DNAJC17: variants seen among roughly 807,000 people sequenced by gnomAD.
DNAJC17 encodes the protein dnaJ homolog subfamily C member 17.
A neutral mutation model predicts 48.1 loss-of-function variants in DNAJC17; 35 were observed. The ratio of observed to expected loss-of-function variants is 0.73; its 90% CI spans 0.56 to 0.96. The LOEUF (loss-of-function observed/expected upper bound fraction) is 0.96. Among genes scored for constraint, DNAJC17 ranks in the 50% least tolerant of loss-of-function variants. DNAJC17 has a pLI of 0.00. For synonymous variants in DNAJC17, 117 were observed against 142.7 expected, an observed-to-expected ratio of 0.82 and a Z score of 1.28; for missense variants, 355 against 377.1, an observed-to-expected ratio of 0.94 and a Z score of 0.48.
At chr15:40,800,738 G>A (rs1890055679) in intron 1 of DNAJC17, among the ~76,000 whole-genome samples, 1 of 150,724 alleles carries the variant, frequency 6.6e-6, no homozygotes, top group South Asian at 2.1e-4. Flanking sequence ...TGTAATCCCA[G>A]CACTTTGGTC....
intron 1 of DNAJC17, among the ~76,000 whole-genome samples, chr15:40,792,147 T>C (rs1384157508): frequency 6.6e-6 from 1 of 152,248 alleles, no homozygotes; most frequent in Non-Finnish European, 1.5e-5. Flanking sequence ...CGGTTGCTCC[T>C]TCAAGCCCTT....
At chr15:40,806,001 G>A (rs945650228) in intron 1 of DNAJC17, among the ~76,000 whole-genome samples, 8 of 152,172 alleles carry the variant, frequency 5.3e-5, no homozygotes, top group Admixed American at 4.6e-4. Flanking sequence ...GAGAGAGGTG[G>A]AGCAGATGCT....
chr15:40,779,304 A>ATG lies in DNAJC17; in HGVS notation c.212_213dup (p.Tyr72HisfsTer26), dbSNP rs1223165035. 2 of 1,614,000 alleles carry ATG rather than the reference A, an allele frequency of 1.2e-6. No individual in the cohort carries two copies. Among genetic ancestry groups the ATG allele is most frequent in the Non-Finnish European group, 1.7e-6 (2 of 1,180,020 alleles). ...TTCTTGGCTTTCCTGACCTTGTCAT[A>ATG]TGCAGCCTGGCAGGAGAAAGGGGCA... On this transcript the variant is annotated frameshift_variant, in exon 4 of 11. Coordinates refer to ENST00000220496, the MANE Select transcript of DNAJC17 (RefSeq NM_018163.3). LOFTEE classifies it high-confidence loss of function.
intron 10 of DNAJC17, chr15:40,771,710 C>T (rs1056838258): frequency 1.8e-5 from 3 of 170,090 alleles, no homozygotes; most frequent in Admixed American, 6.3e-5. Flanking sequence ...ATGGCTACCA[C>T]ACTGGTCAGT....
At position 40,776,310 on chromosome 15, in the gene DNAJC17, G is replaced by A. The variant is rs1566822313; in HGVS notation, c.382-18C>T. On this transcript the variant is annotated intron_variant, in intron 5 of 10. Coordinates refer to ENST00000220496, the MANE Select transcript of DNAJC17 (RefSeq NM_018163.3). ...CGTTCGATCTGCAGAGCAGGGGGTG[G>A]GGGTGACAATTCTGTGCAGGTCCAA... 6.2e-7 allele frequency: 1 copy of A among 1,611,700 alleles called. No individual in the cohort carries two copies.
rs1566820734 is a variant in DNAJC17 at position 40,773,827 on chromosome 15, A to T, written c.692T>A (p.Val231Asp). 1 of 1,613,784 alleles carries T rather than the reference A, an allele frequency of 6.2e-7. No individual in the cohort carries two copies. Among genetic ancestry groups the T allele is most frequent in the Admixed American group, 1.7e-5 (1 of 59,970 alleles). Residue 231 changes from valine (V) to aspartate (D), a missense_variant, in exon 10 of 11, where the codon GTC becomes GAC. Coordinates refer to ENST00000220496, the MANE Select transcript of DNAJC17 (RefSeq NM_018163.3). The part of the protein sequence containing the change: ...FATVKAAELA[V>D]QNEVGLVDNP... ...ATCCACCAGGCCAACTTCATTCTGG[A>T]CAGCCAGCTCCTGCCAAACACAGCA...
At chr15:40,789,698 G>T (rs1422456464) in intron 1 of DNAJC17, among the ~76,000 whole-genome samples, 3 of 151,382 alleles carry the variant, frequency 2.0e-5, no homozygotes, top group Non-Finnish European at 4.4e-5. Context: ...CTTCCCTCTG[G>T]GCCCTGGTAC....
At chr15:40,773,022 A>C (rs918766998) in intron 10 of DNAJC17, among the ~76,000 whole-genome samples, 1 of 145,548 alleles carries the variant, frequency 6.9e-6, no homozygotes, top group Non-Finnish European at 1.5e-5. Context: ...GTGCAATGGC[A>C]CGATCTCGGC....
intron 10 of DNAJC17, among the ~76,000 whole-genome samples, chr15:40,772,945 A>C (rs568658695): frequency 6.7e-6 from 1 of 149,370 alleles, no homozygotes; most frequent in African/African-American, 2.5e-5. Flanking sequence ...TCAGCAGGGT[A>C]GCCAGAGTTC....
chr15:40,767,943 C>CGTAG lies in DNAJC17; in HGVS notation c.908_911dup (p.Ter305TyrfsTer66). On this transcript the variant is annotated frameshift_variant, in exon 11 of 11. Transcript: ENST00000220496. LOFTEE classifies it high-confidence loss of function. ...GGGTGGATGGCTGGAGCTGGGGCTA[C>CGTAG]GTAGGCGGCCCCTCCTGGTCTTCCT... is the stretch of plus-strand genomic sequence containing the variant. The CGTAG allele has an allele frequency of 6.2e-7, 1 of 1,612,738 alleles. No individual in the cohort carries two copies. Among genetic ancestry groups the CGTAG allele is most frequent in the Non-Finnish European group, 8.5e-7 (1 of 1,179,618 alleles).
At position 40,766,130 on chromosome 15, in the gene DNAJC17, C is replaced by T. The variant is rs75977225; in HGVS notation, c.*1810G>A. On this transcript the variant is annotated 3_prime_UTR_variant, in exon 11 of 11. Transcript: ENST00000220496. ...CCACGAGGCTTGCTCTGAAAGCTTT[C>T]CACATCCTTACTGGAACCGCAGAAA... 5,188 of 406,810 alleles carry T rather than the reference C, an allele frequency of 0.013. 231 individuals are homozygous for T. Among genetic ancestry groups the T allele is most frequent in the African/African-American group, 0.097 (4,743 of 48,876 alleles). 25.2% of individuals were successfully genotyped at this position (406,810 alleles called of 1,614,324 possible). A position where few individuals can be genotyped will look rare whatever the true frequency, so the allele number is the denominator to read the frequency against.
intron 1 of DNAJC17, 47 bp downstream of exon 1, chr15:40,807,322 G>A: frequency 6.2e-7 from 1 of 1,614,198 alleles, no homozygotes; most frequent in South Asian, 1.1e-5. Flanking sequence ...AGGACAGGAA[G>A]GACCGCCAGA....
chr15:40,802,187 T>C (rs932480047), intron 1 of DNAJC17, among the ~76,000 whole-genome samples: 14 of 149,068 alleles, frequency 9.4e-5, no homozygotes, highest in East Asian at 1.9e-4. Context: ...TTTTTTTTTT[T>C]CGAGACAGAT....
chr15:40,801,753 A>G lies in DNAJC17; in HGVS notation c.78+5616T>C, dbSNP rs548720962. Among the ~76,000 whole-genome samples, 222 of 152,008 alleles carry G rather than the reference A, an allele frequency of 1.5e-3. 1 individual carries two copies. Among genetic ancestry groups the G allele is most frequent in the South Asian group, 4.2e-3 (20 of 4,812 alleles). ...ACTCCGTCTCAAAAAAAAAAAAAAA[A>G]AAAAGAAAAGAAAAGAAATTCTATT... is the stretch of plus-strand genomic sequence containing the variant. On this transcript the variant is annotated intron_variant, in intron 1 of 10. Coordinates refer to ENST00000220496, the MANE Select transcript of DNAJC17 (RefSeq NM_018163.3).
chr15:40,776,182 T>C lies in DNAJC17; in HGVS notation c.478+14A>G, dbSNP rs763060576. On this transcript the variant is annotated intron_variant, in intron 6 of 10. Coordinates refer to ENST00000220496, the MANE Select transcript of DNAJC17 (RefSeq NM_018163.3). Reference sequence around the variant, plus strand: ...TACCTTGGAGGGGAGATAGGCGGGGTGATAGACCTGCACCTCTCAACCTCT... The same window carrying C: ...TACCTTGGAGGGGAGATAGGCGGGGCGATAGACCTGCACCTCTCAACCTCT... 2.5e-6 allele frequency: 4 copies of C among 1,600,946 alleles called. No individual in the cohort carries two copies. Among genetic ancestry groups the C allele is most frequent in the Non-Finnish European group, 3.4e-6 (4 of 1,172,980 alleles).
chr15:40,778,909 AG>A (rs1889402950), intron 4 of DNAJC17, among the ~76,000 whole-genome samples: 1 of 152,152 alleles, frequency 6.6e-6, no homozygotes, highest in African/African-American at 2.4e-5. Flanking sequence ...GCTCCAGCCT[AG>A]GTGACAGGGT....
At chr15:40,790,501 C>T (rs1889770939) in intron 1 of DNAJC17, among the ~76,000 whole-genome samples, 1 of 152,144 alleles carries the variant, frequency 6.6e-6, no homozygotes, top group South Asian at 2.1e-4. Context: ...ATCACTTGAA[C>T]CCAGGAGGCG....
In DNAJC17 at chr15:40,767,268, C is replaced by T. The variant is rs1022115463; in HGVS notation, c.*672G>A. 1.2e-6 allele frequency: 2 copies of T among 1,604,302 alleles called. No homozygotes were observed. Among genetic ancestry groups the T allele is most frequent in the African/African-American group, 2.7e-5 (2 of 74,290 alleles). ...ATGACCCTCCCCGCATAGTCCTGGA[C>T]AAGCTGGAACGCAGGGGCTTCCGTG... On this transcript the variant is annotated 3_prime_UTR_variant, in exon 11 of 11. Coordinates refer to ENST00000220496, the MANE Select transcript of DNAJC17 (RefSeq NM_018163.3).
chr15:40,768,967 A>T (rs1348803236), intron 10 of DNAJC17, among the ~76,000 whole-genome samples: 1 of 152,248 alleles, frequency 6.6e-6, no homozygotes, highest in Non-Finnish European at 1.5e-5. Context: ...GGTACCCCGC[A>T]TGGGGACGCT....
Sources: allele counts gnomAD v4.1 joint callset (sites outside exome capture counted in the v4.1 genomes callset), GRCh38; gene constraint gnomAD v4.1.1; transcripts MANE v1.5; gene names NCBI Gene and HGNC (gene_info 2026-07-23, HGNC 2026-07-21).